Variants in SATB2 observed in about 807,000 individuals in gnomAD.
The protein encoded by SATB2 is SATB homeobox 2.
A neutral mutation model predicts 73.4 loss-of-function variants in SATB2; 1 was observed. That is an observed-to-expected ratio of 0.01 (90% CI 0.00 to 0.06). The LOEUF is 0.06. Ranked by LOEUF, SATB2 falls within the 10% of genes least tolerant of loss-of-function variation. The probability of loss-of-function intolerance (pLI) is 1.00; values close to 1 mark genes in which losing one functional copy is unlikely to be tolerated. For synonymous variants in SATB2, 397 were observed against 367.0 expected (o/e 1.08, Z -0.93); for missense variants, 459 against 945.8 (o/e 0.49, Z 6.75).
intron 7 of SATB2, among the ~76,000 whole-genome samples, chr2:199,340,803 C>T (rs1226522871): frequency 6.6e-6 from 1 of 152,154 alleles, no homozygotes; most frequent in Admixed American, 6.6e-5. Context: ...TGTGGCAGGG[C>T]ATCCGTTCCA....
intron 3 of SATB2, among the ~76,000 whole-genome samples, chr2:199,401,097 T>C (rs1021961890): frequency 8.5e-5 from 13 of 152,170 alleles, no homozygotes; most frequent in Admixed American, 7.8e-4. Flanking sequence ...AACTTTCTCA[T>C]TCATTCATTC....
At chr2:199,386,506 A>G (rs1298966080) in intron 3 of SATB2, among the ~76,000 whole-genome samples, 1 of 152,224 alleles carries the variant, frequency 6.6e-6, no homozygotes, top group African/African-American at 2.4e-5. Flanking sequence ...AGGACAAAGA[A>G]GCAAGAACAA....
At chr2:199,425,524 G>A (rs1357674731) in intron 3 of SATB2, among the ~76,000 whole-genome samples, 1 of 152,018 alleles carries the variant, frequency 6.6e-6, no homozygotes, top group Non-Finnish European at 1.5e-5. Context: ...AAGGTCAGAG[G>A]TAAAGTGAGA....
chr2:199,296,811 T>C (rs1331795629), intron 10 of SATB2, among the ~76,000 whole-genome samples: 1 of 152,202 alleles, frequency 6.6e-6, no homozygotes, highest in African/African-American at 2.4e-5. Context: ...TCACTTACAG[T>C]GCCCTTTTCT....
intron 7 of SATB2, among the ~76,000 whole-genome samples, chr2:199,345,842 G>A (rs1046835382): frequency 9.9e-5 from 15 of 152,218 alleles, no homozygotes; most frequent in Admixed American, 3.9e-4. Context: ...GACCTATGAC[G>A]GTTTCCAGTG....
intron 3 of SATB2, among the ~76,000 whole-genome samples, chr2:199,407,408 A>C: frequency 6.6e-6 from 1 of 152,120 alleles, no homozygotes; most frequent in East Asian, 1.9e-4. Context: ...TTATCTCATA[A>C]TCTTAATTAA....
intron 10 of SATB2, among the ~76,000 whole-genome samples, chr2:199,279,994 A>G (rs1406362781): frequency 1.3e-5 from 2 of 152,214 alleles, no homozygotes; most frequent in Non-Finnish European, 2.9e-5. Context: ...TACAAAAATT[A>G]GCCAGGCGTG....
intron 3 of SATB2, among the ~76,000 whole-genome samples, chr2:199,407,086 T>C (rs1238222475): frequency 6.6e-6 from 1 of 151,566 alleles, no homozygotes; most frequent in Non-Finnish European, 1.5e-5. Flanking sequence ...CTTGGGAGGA[T>C]GAGGTGGGCA....
chr2:199,444,039 G>A (rs1012736120), intron 2 of SATB2, among the ~76,000 whole-genome samples: 8 of 152,106 alleles, frequency 5.3e-5, no homozygotes, highest in African/African-American at 1.9e-4. Flanking sequence ...TATATGTAGT[G>A]CCTGTGTAAT....
Position 199,308,433 on chromosome 2 carries a change from C to T in SATB2, c.1740+327G>A, listed in dbSNP as rs957383715. Among the ~76,000 whole-genome samples, 2 of 152,136 alleles carry T rather than the reference C, an allele frequency of 1.3e-5. No individual in the cohort carries two copies. The highest frequency in any genetic ancestry group is 2.1e-4 in the South Asian group (1 of 4,826). The stretch of plus-strand genomic sequence containing the variant: ...ACTGATGGAAACCATGTTTTCCGAT[C>T]GAGAGATTTAATTCTCCGTGAGCGC... On this transcript the variant is annotated intron_variant, in intron 10 of 10. Transcript: ENST00000417098. This position sits in a 1 kb window ranked among gnomAD's most constrained non-coding sequence, Gnocchi z 4.6.
intron 5 of SATB2, among the ~76,000 whole-genome samples, chr2:199,370,809 T>C (rs1289086181): frequency 1.3e-5 from 2 of 152,192 alleles, no homozygotes; most frequent in East Asian, 3.9e-4. Context: ...CTATATTTCA[T>C]ATAACTCATT....
intron 7 of SATB2, among the ~76,000 whole-genome samples, chr2:199,341,404 T>C: frequency 6.6e-6 from 1 of 152,230 alleles, no homozygotes; most frequent in East Asian, 1.9e-4. Flanking sequence ...AAAGCCACTC[T>C]CAAAGCCACA....
At chr2:199,292,723 T>C (rs1249923956) in intron 10 of SATB2, among the ~76,000 whole-genome samples, 1 of 152,184 alleles carries the variant, frequency 6.6e-6, no homozygotes, top group Non-Finnish European at 1.5e-5. Context: ...TTATAGGTCC[T>C]TGCCACTCAG....
At chr2:199,360,405 C>A (rs1169259145) in intron 6 of SATB2, among the ~76,000 whole-genome samples, 1 of 152,130 alleles carries the variant, frequency 6.6e-6, no homozygotes, top group Admixed American at 6.5e-5. Context: ...CATGGTCTGT[C>A]CAGATCCTAT....
chr2:199,296,410 T>C (rs142764305), intron 10 of SATB2, among the ~76,000 whole-genome samples: 2 of 151,992 alleles, frequency 1.3e-5, no homozygotes, highest in African/African-American at 4.8e-5. Flanking sequence ...GTAGATGGAG[T>C]CCAGGCGCAG....
intron 3 of SATB2, among the ~76,000 whole-genome samples, chr2:199,408,562 C>A (rs997864138): frequency 6.6e-6 from 1 of 151,518 alleles, no homozygotes; most frequent in African/African-American, 2.4e-5. Context: ...AAAGTAATTG[C>A]GATTTTTGCC....
intron 3 of SATB2, among the ~76,000 whole-genome samples, chr2:199,416,000 A>G (rs2105908500): frequency 6.6e-6 from 1 of 152,336 alleles, no homozygotes. Flanking sequence ...GCCACAGGGT[A>G]GAGAGGTGGC....
intron 7 of SATB2, among the ~76,000 whole-genome samples, chr2:199,343,659 TAC>T (rs1559172261): frequency 2.0e-5 from 3 of 152,212 alleles, no homozygotes. Flanking sequence ...TTGGGCTTTA[TAC>T]ACAACAGGTT....
intron 9 of SATB2, among the ~76,000 whole-genome samples, chr2:199,317,681 G>A (rs1687772806): frequency 6.6e-6 from 1 of 151,888 alleles, no homozygotes; most frequent in Non-Finnish European, 1.5e-5. Context: ...TGTGAGGGTG[G>A]TAAAAAGAAC....
Sources: allele counts gnomAD v4.1 joint callset (sites outside exome capture counted in the v4.1 genomes callset), GRCh38; gene constraint gnomAD v4.1.1; non-coding constraint Gnocchi (gnomAD v3.1); transcripts MANE v1.5; gene names NCBI Gene and HGNC (gene_info 2026-07-23, HGNC 2026-07-21).